DCC: variants seen among roughly 807,000 people sequenced by gnomAD.
DCC encodes the protein DCC netrin 1 receptor, also known as netrin receptor DCC.
In DCC, 58 loss-of-function variants were observed where a neutral mutation model predicts 172.5. The observed-to-expected ratio is 0.34, with a 90% CI of 0.27 to 0.42. The LOEUF (loss-of-function observed/expected upper bound fraction) is 0.42, where lower values mean the gene tolerates loss of function less well. DCC is among the 10% of genes least tolerant of loss of function. DCC has a pLI of 1.00. For synonymous variants in DCC, 709 were observed against 644.5 expected (o/e 1.10, Z -1.52); for missense variants, 1,740 against 1,791.0 (o/e 0.97, Z 0.51).
chr18:52,822,363 G>T (rs1170261112), intron 2 of DCC, among the ~76,000 whole-genome samples: 1 of 152,116 alleles, frequency 6.6e-6, no homozygotes, highest in Admixed American at 6.5e-5. Flanking sequence ...CATTCCAAAG[G>T]TCTCCAACCA....
At chr18:53,511,444 G>A (rs1208454074) in intron 27 of DCC, among the ~76,000 whole-genome samples, 1 of 152,208 alleles carries the variant, frequency 6.6e-6, no homozygotes, top group Non-Finnish European at 1.5e-5. Flanking sequence ...TTTAAGGATA[G>A]AGGGTCGAGA....
At chr18:53,212,831 A>C (rs1390038552) in intron 11 of DCC, among the ~76,000 whole-genome samples, 1 of 151,996 alleles carries the variant, frequency 6.6e-6, no homozygotes, top group Non-Finnish European at 1.5e-5. Context: ...CCCACACGCC[A>C]GGCTAATTTT....
At chr18:53,478,664 A>G (rs1429825524) in intron 25 of DCC, among the ~76,000 whole-genome samples, 1 of 152,202 alleles carries the variant, frequency 6.6e-6, no homozygotes, top group Non-Finnish European at 1.5e-5. Flanking sequence ...TGCCATGGTA[A>G]TGGCTACTGG....
intron 1 of DCC, among the ~76,000 whole-genome samples, chr18:52,502,817 T>A (rs1299503984): frequency 6.6e-6 from 1 of 152,250 alleles, no homozygotes; most frequent in Non-Finnish European, 1.5e-5. Flanking sequence ...ATTTGGCATT[T>A]GGAATCTCAT....
chr18:53,214,796 C>T (rs1470061013), intron 11 of DCC, among the ~76,000 whole-genome samples: 4 of 152,064 alleles, frequency 2.6e-5, no homozygotes, highest in Non-Finnish European at 4.4e-5. Flanking sequence ...TTTTAAATTA[C>T]TCACATGATA....
At chr18:52,679,790 T>G (rs908200113) in intron 1 of DCC, among the ~76,000 whole-genome samples, 1 of 152,134 alleles carries the variant, frequency 6.6e-6, no homozygotes, top group African/African-American at 2.4e-5. Context: ...AATCAAAACT[T>G]TGTTGTCCAG....
chr18:52,644,192 C>T (rs1331034151), intron 1 of DCC, among the ~76,000 whole-genome samples: 1 of 152,182 alleles, frequency 6.6e-6, no homozygotes, highest in Non-Finnish European at 1.5e-5. Context: ...TGAGCATCAC[C>T]AGACCCCCTT....
chr18:53,113,602 A>G (rs2043367609), intron 7 of DCC, among the ~76,000 whole-genome samples: 1 of 151,492 alleles, frequency 6.6e-6, no homozygotes, highest in Non-Finnish European at 1.5e-5. Flanking sequence ...TCACATGGAA[A>G]TAAAAGTTGA....
chr18:52,746,040 A>AT (rs1362641403), intron 1 of DCC, among the ~76,000 whole-genome samples: 3 of 152,112 alleles, frequency 2.0e-5, no homozygotes, highest in South Asian at 2.1e-4. Flanking sequence ...AAGTATTATA[A>AT]TTTTTTTCCA....
At chr18:52,368,555 A>G (rs1304816534) in intron 1 of DCC, among the ~76,000 whole-genome samples, 3 of 152,274 alleles carry the variant, frequency 2.0e-5, no homozygotes, top group African/African-American at 7.2e-5. Flanking sequence ...GGTACTGAGA[A>G]AGTACTACAT....
intron 12 of DCC, among the ~76,000 whole-genome samples, chr18:53,292,113 A>ACCCC (rs34382170): frequency 7.4e-6 from 1 of 136,006 alleles, no homozygotes; most frequent in Non-Finnish European, 1.6e-5. Flanking sequence ...TTTGAGCTCC[A>ACCCC]CCCCCCCCCC....
chr18:53,125,884 T>C (rs1410638437), intron 7 of DCC, among the ~76,000 whole-genome samples: 2 of 152,104 alleles, frequency 1.3e-5, no homozygotes, highest in Admixed American at 6.6e-5. Context: ...TTCACCACAG[T>C]GTATGAAACA....
intron 1 of DCC, among the ~76,000 whole-genome samples, chr18:52,664,540 G>A (rs1287816015): frequency 1.5e-5 from 2 of 131,782 alleles, no homozygotes; most frequent in South Asian, 2.4e-4. Flanking sequence ...GCGCGATCTC[G>A]GCTCACTGCA....
At chr18:53,198,909 C>T (rs1242620249) in intron 9 of DCC, among the ~76,000 whole-genome samples, 2 of 151,972 alleles carry the variant, frequency 1.3e-5, no homozygotes, top group Non-Finnish European at 2.9e-5. Context: ...AATTATTGTC[C>T]AACTGAGGGG....
chr18:52,410,148 A>G (rs1043306577), intron 1 of DCC, among the ~76,000 whole-genome samples: 9 of 152,108 alleles, frequency 5.9e-5, no homozygotes, highest in Non-Finnish European at 1.3e-4. Flanking sequence ...ATTAGGCTGG[A>G]TGCTGTGACT....
At chr18:52,786,361 G>A (rs1453945356) in intron 2 of DCC, among the ~76,000 whole-genome samples, 4 of 151,936 alleles carry the variant, frequency 2.6e-5, no homozygotes, top group Admixed American at 2.6e-4. Flanking sequence ...AGTCTAAAAT[G>A]TAGGCAAAAA....
At chr18:52,711,461 C>T (rs982930753) in intron 1 of DCC, among the ~76,000 whole-genome samples, 21 of 152,114 alleles carry the variant, frequency 1.4e-4, no homozygotes, top group African/African-American at 5.1e-4. Flanking sequence ...ACAGAAGGAC[C>T]TCAATAAACT....
chr18:53,263,570 T>A (rs1323080648), intron 12 of DCC, among the ~76,000 whole-genome samples: 1 of 152,210 alleles, frequency 6.6e-6, no homozygotes, highest in Admixed American at 6.5e-5. Flanking sequence ...GTTATTATAA[T>A]GGAAAGACTG....
intron 5 of DCC, among the ~76,000 whole-genome samples, chr18:53,025,939 A>C (rs141735522): frequency 6.6e-6 from 1 of 152,164 alleles, no homozygotes; most frequent in East Asian, 1.9e-4. Flanking sequence ...AATCTAAGAA[A>C]AAATCTTTAT....
Sources: gnomAD v4.1 joint callset for allele counts (sites outside exome capture counted in the v4.1 genomes callset) on GRCh38, gnomAD v4.1.1 for gene constraint, MANE v1.5 for transcripts, NCBI Gene and HGNC (gene_info 2026-07-23, HGNC 2026-07-21) for gene names.